The following TASP1 variants were observed in gnomAD, a reference collection of about 807,000 sequenced individuals.
TASP1 encodes the protein taspase 1, also known as threonine aspartase 1.
Under a neutral mutation model 56.6 loss-of-function variants are expected in TASP1, and 16 were observed. The observed-to-expected ratio is 0.28, with a 90% CI of 0.19 to 0.43. The LOEUF is 0.43. Among genes scored for constraint, TASP1 ranks in the 20% least tolerant of loss-of-function variants. The pLI is 1.00. For missense variants in TASP1, 393 were observed against 511.6 expected, an observed-to-expected ratio of 0.77 and a Z score of 2.24; for synonymous variants, 179 against 184.2, an observed-to-expected ratio of 0.97 and a Z score of 0.23.
chr20:13,417,225 C>T (rs954955647), intron 13 of TASP1, among the ~76,000 whole-genome samples: 1 of 152,172 alleles, frequency 6.6e-6, no homozygotes, highest in Non-Finnish European at 1.5e-5. Context: ...AGTGGGCAGG[C>T]TCCTCCTAAT....
intron 4 of TASP1, among the ~76,000 whole-genome samples, chr20:13,610,431 G>A (rs1033103121): frequency 3.9e-5 from 6 of 152,168 alleles, no homozygotes; most frequent in African/African-American, 1.4e-4. Flanking sequence ...GGGCAGAAAT[G>A]TTCCGTTTGC....
chr20:13,352,661 T>C, the TASP1 span, among the ~76,000 whole-genome samples: 1 of 152,172 alleles, frequency 6.6e-6, no homozygotes, highest in Non-Finnish European at 1.5e-5. Context: ...TTTTTAATTG[T>C]CATAAGTAAT....
chr20:13,469,792 C>CTTTTGTTTTTTT (rs2044406897), intron 11 of TASP1, among the ~76,000 whole-genome samples: 1 of 39,546 alleles, frequency 2.5e-5, no homozygotes, highest in Non-Finnish European at 4.7e-5. Flanking sequence ...AATAAATGTC[C>CTTTTGTTTTTTT]TTTTTTTTTT....
the TASP1 span, among the ~76,000 whole-genome samples, chr20:13,325,670 C>T: frequency 2.0e-5 from 3 of 152,132 alleles, no homozygotes; most frequent in African/African-American, 4.8e-5. Context: ...TTAATTCCAC[C>T]TGTATCAAAA....
rs987200166 is a variant in TASP1 at position 13,406,816 on chromosome 20, G to A, written c.1170+10632C>T. Among the ~76,000 whole-genome samples, 12 of 151,736 alleles carry A rather than the reference G, an allele frequency of 7.9e-5. No individual in the cohort carries two copies. In the East Asian group the frequency reaches 9.7e-4, roughly 12 times the overall value. ...CGAGTAGCTGGGACTACAGGCGCCC[G>A]CCACCATGCCTGGCTAATTTTTTGT... On this transcript the variant is annotated intron_variant, in intron 13 of 13. Coordinates refer to ENST00000337743, the MANE Select transcript of TASP1 (RefSeq NM_017714.3).
chr20:13,596,148 A>G (rs950889290), intron 4 of TASP1, among the ~76,000 whole-genome samples: 4 of 152,178 alleles, frequency 2.6e-5, no homozygotes, highest in East Asian at 1.9e-4. Flanking sequence ...CGAGGAGGGC[A>G]GATCACCTGA....
intron 10 of TASP1, among the ~76,000 whole-genome samples, chr20:13,507,741 T>A (rs530201004): frequency 3.9e-4 from 60 of 152,234 alleles, no homozygotes; most frequent in Non-Finnish European, 6.0e-4. Flanking sequence ...CTAAAATTCA[T>A]ACAGAACCAC....
the TASP1 span, among the ~76,000 whole-genome samples, chr20:13,297,717 T>C: frequency 1.3e-5 from 2 of 152,232 alleles, no homozygotes; most frequent in Non-Finnish European, 2.9e-5. Flanking sequence ...ATTCGATCTT[T>C]TGGTTTTTCA....
the TASP1 span, among the ~76,000 whole-genome samples, chr20:13,157,963 A>G: frequency 6.6e-6 from 1 of 152,244 alleles, no homozygotes; most frequent in Non-Finnish European, 1.5e-5. Context: ...TATAGTCTGT[A>G]GCCAGTTATC....
At chr20:13,491,214 T>C (rs1246097830) in intron 10 of TASP1, among the ~76,000 whole-genome samples, 2 of 152,212 alleles carry the variant, frequency 1.3e-5, no homozygotes, top group African/African-American at 4.8e-5. Context: ...AAGATTTCTC[T>C]TAGCCTGGCA....
chr20:13,519,900 A>T (rs970838073), intron 10 of TASP1, among the ~76,000 whole-genome samples: 1 of 152,228 alleles, frequency 6.6e-6, no homozygotes, highest in Non-Finnish European at 1.5e-5. Context: ...AATCTCCTTA[A>T]GCTGGTAGGC....
At chr20:13,119,155 T>A in the TASP1 span, among the ~76,000 whole-genome samples, 32,778 of 152,242 alleles carry the variant, frequency 0.22, 3,719 homozygotes, top group Middle Eastern at 0.35. Flanking sequence ...CATTGCTCTG[T>A]GAGCTTGTGG....
chr20:13,263,366 C>A, the TASP1 span, among the ~76,000 whole-genome samples: 2 of 151,772 alleles, frequency 1.3e-5, no homozygotes. Context: ...CTCCTAGGAT[C>A]GTGGTCTCCA....
the TASP1 span, chr20:13,288,406 A>G: frequency 4.4e-6 from 4 of 910,476 alleles, no homozygotes; most frequent in Non-Finnish European, 6.5e-6. Context: ...TTTTAGCTCC[A>G]GCTGAAAAGT....
At chr20:13,164,537 G>T in the TASP1 span, 14 of 575,394 alleles carry the variant, frequency 2.4e-5, no homozygotes, top group African/African-American at 2.6e-4. Context: ...TCATAGTATG[G>T]AGTTAGACCA....
chr20:13,176,988 C>A, the TASP1 span, among the ~76,000 whole-genome samples: 1 of 152,040 alleles, frequency 6.6e-6, no homozygotes, highest in East Asian at 1.9e-4. Flanking sequence ...GCCTGTAATC[C>A]CAGCACTTTG....
At chr20:13,571,255 A>T (rs2046702595) in intron 6 of TASP1, among the ~76,000 whole-genome samples, 1 of 152,222 alleles carries the variant, frequency 6.6e-6, no homozygotes, top group Admixed American at 6.5e-5. Flanking sequence ...AACATAAAAA[A>T]GTATTGTATA....
chr20:13,438,963 C>T (rs1460603107), intron 11 of TASP1, among the ~76,000 whole-genome samples: 1 of 152,194 alleles, frequency 6.6e-6, no homozygotes, highest in African/African-American at 2.4e-5. Context: ...GAGACACCAT[C>T]TCACATCAGT....
At chr20:13,472,687 CAG>C (rs2044557011) in intron 11 of TASP1, among the ~76,000 whole-genome samples, 2 of 151,080 alleles carry the variant, frequency 1.3e-5, no homozygotes, top group African/African-American at 2.4e-5. Flanking sequence ...TATGAACAGA[CAG>C]TTTTCAAAAG....
Sources: allele counts gnomAD v4.1 joint callset (sites outside exome capture counted in the v4.1 genomes callset), GRCh38; gene constraint gnomAD v4.1.1; transcripts MANE v1.5; gene names NCBI Gene and HGNC (gene_info 2026-07-23, HGNC 2026-07-21).